Variants in ANXA4 observed in about 807,000 individuals in gnomAD.
The protein encoded by ANXA4 is 35-beta calcimedin.
ANXA4 carries 39 observed loss-of-function variants against 49.8 expected under a neutral mutation model. The ratio of observed to expected loss-of-function variants is 0.78; its 90% CI spans 0.61 to 1.02. The LOEUF is 1.02. Ranked by LOEUF, ANXA4 falls within the 50% of genes least tolerant of loss-of-function variation. ANXA4 has a pLI of 0.00. For synonymous variants in ANXA4, 134 were observed against 152.5 expected (o/e 0.88, Z 0.89); for missense variants, 360 against 410.1 (o/e 0.88, Z 1.05).
chr2:69,774,337 C>A (rs1250524623), intron 1 of ANXA4, among the ~76,000 whole-genome samples: 6 of 118,238 alleles, frequency 5.1e-5, no homozygotes, highest in South Asian at 6.2e-4. Flanking sequence ...GCCCCCCCCC[C>A]CCCTTTTTTT....
At chr2:69,660,676 T>C (rs1676679588) in intron 2 of ANXA4, among the ~76,000 whole-genome samples, 1 of 151,336 alleles carries the variant, frequency 6.6e-6, no homozygotes, top group Non-Finnish European at 1.5e-5. Context: ...ATCACCAAAA[T>C]TTAAAGCAAA....
chr2:69,649,603 C>CTTTT (rs766975640), intron 1 of ANXA4, among the ~76,000 whole-genome samples: 9 of 70,658 alleles, frequency 1.3e-4, no homozygotes, highest in Non-Finnish European at 2.5e-4. Context: ...GATTTTCTTT[C>CTTTT]TTTTTTTTTT....
intron 2 of ANXA4, among the ~76,000 whole-genome samples, chr2:69,710,177 G>C (rs923114587): frequency 2.0e-5 from 3 of 151,896 alleles, no homozygotes; most frequent in Non-Finnish European, 2.9e-5. Flanking sequence ...AGTAGAGACA[G>C]GGTTTCACCA....
Position 69,730,962 on chromosome 2 carries a change from A to G in ANXA4, n.864+10091A>G, listed in dbSNP as rs2105446346. Among the ~76,000 whole-genome samples the G allele has an allele frequency of 2.0e-5, 3 of 152,338 alleles. 1 individual carries two copies. The highest frequency in any genetic ancestry group is 3.9e-4 in the East Asian group (2 of 5,190). ...AAGGCAAAATTATGTCTCCACCAACAGTTCCCCAAACCTGCCTTTTAGGTC... is the reference window on the plus strand; with the variant it reads ...AAGGCAAAATTATGTCTCCACCAACGGTTCCCCAAACCTGCCTTTTAGGTC... On this transcript the variant is annotated intron_variant and non_coding_transcript_variant, in intron 3 of 3. Coordinates refer to the ANXA4 transcript ENST00000418066.
chr2:69,656,205 AC>A (rs1676436969), intron 2 of ANXA4, among the ~76,000 whole-genome samples: 1 of 122,216 alleles, frequency 8.2e-6, no homozygotes, highest in African/African-American at 3.4e-5. Context: ...ATATATATAT[AC>A]ACACACATAT....
intron 2 of ANXA4, among the ~76,000 whole-genome samples, chr2:69,704,748 G>A (rs1014580792): frequency 2.0e-5 from 3 of 152,142 alleles, no homozygotes; most frequent in Admixed American, 2.0e-4. Flanking sequence ...AAAGTCACAT[G>A]GTTGAGCTCA....
intron 2 of ANXA4, among the ~76,000 whole-genome samples, chr2:69,658,007 A>G (rs1471755616): frequency 6.6e-6 from 1 of 152,140 alleles, no homozygotes; most frequent in African/African-American, 2.4e-5. Flanking sequence ...CACTCCTGAA[A>G]TATACGCAAA....
chr2:69,821,586 C>G (rs762698007), intron 12 of ANXA4, among the ~76,000 whole-genome samples: 1 of 152,258 alleles, frequency 6.6e-6, no homozygotes, highest in Non-Finnish European at 1.5e-5. Flanking sequence ...CCTCCTGCCT[C>G]AGCCTCCTGA....
intron 3 of ANXA4, among the ~76,000 whole-genome samples, chr2:69,792,924 G>A (rs894740510): frequency 6.6e-6 from 1 of 151,250 alleles, no homozygotes; most frequent in Non-Finnish European, 1.5e-5. Context: ...CAATTGTGAA[G>A]CAGGCACGTT....
At chr2:69,820,895 G>A in intron 12 of ANXA4, 74 bp downstream of exon 12, 3 of 1,481,220 alleles carry the variant, frequency 2.0e-6, no homozygotes, top group Non-Finnish European at 2.7e-6. Flanking sequence ...TTTAGCACTT[G>A]TTGTCCCCCT....
chr2:69,823,653 C>T (rs1488963993), intron 12 of ANXA4, among the ~76,000 whole-genome samples: 1 of 152,078 alleles, frequency 6.6e-6, no homozygotes, highest in Non-Finnish European at 1.5e-5. Context: ...GGCAACAATT[C>T]ACAGCAAAGA....
At chr2:69,781,809 T>C (rs888079779) in intron 2 of ANXA4, among the ~76,000 whole-genome samples, 1 of 152,134 alleles carries the variant, frequency 6.6e-6, no homozygotes, top group African/African-American at 2.4e-5. Flanking sequence ...TTTAACATCC[T>C]GAGAATATAG....
intron 2 of ANXA4, among the ~76,000 whole-genome samples, chr2:69,659,079 A>G (rs2105320225): frequency 6.6e-6 from 1 of 152,378 alleles, no homozygotes; most frequent in Middle Eastern, 3.4e-3. Context: ...TAGTAAAGTC[A>G]GTCCTATTTG....
At chr2:69,696,988 T>C (rs1678180699) in intron 2 of ANXA4, among the ~76,000 whole-genome samples, 1 of 152,146 alleles carries the variant, frequency 6.6e-6, no homozygotes, top group Non-Finnish European at 1.5e-5. Flanking sequence ...TCCAGAATGG[T>C]AAATGAGCAC....
intron 3 of ANXA4, among the ~76,000 whole-genome samples, chr2:69,801,404 T>G (rs890183668): frequency 5.0e-5 from 4 of 80,662 alleles, no homozygotes; most frequent in Non-Finnish European, 7.6e-5. Flanking sequence ...CTGTTTTTTG[T>G]TTTTTTTTTC....
At position 69,818,684 on chromosome 2, in the gene ANXA4, G is replaced by A; in HGVS notation, c.714G>A (p.Leu238=). Residue 238 remains leucine, a synonymous_variant, in exon 10 of 13, where the codon CTG becomes CTA. Transcript: ENST00000394295. The stretch of plus-strand genomic sequence containing the variant: ...CATCTGGTAGCTTTGAAGATGCTCT[G>A]CTGGCTATAGGTAAGCTGGTAGGGG... ...SETSGSFEDA[L]LAIVKCMRNK... is the part of the protein sequence containing the mutation. 2 of 1,606,552 alleles carry A rather than the reference G, an allele frequency of 1.2e-6. No individual in the cohort carries two copies. Among genetic ancestry groups the A allele is most frequent in the Non-Finnish European group, 1.7e-6 (2 of 1,174,946 alleles).
chr2:69,654,577 TG>T (rs1210260201), intron 2 of ANXA4, among the ~76,000 whole-genome samples: 1 of 152,234 alleles, frequency 6.6e-6, no homozygotes, highest in Non-Finnish European at 1.5e-5. Flanking sequence ...GTTTATGTGA[TG>T]GATTATGTTT....
At chr2:69,802,014 T>C (rs1673220350) in intron 3 of ANXA4, among the ~76,000 whole-genome samples, 1 of 152,150 alleles carries the variant, frequency 6.6e-6, no homozygotes, top group Non-Finnish European at 1.5e-5. Flanking sequence ...TAAAGCACAA[T>C]ATTTCAAGAG....
chr2:69,792,844 T>G (rs1010913260), intron 3 of ANXA4, among the ~76,000 whole-genome samples: 8 of 151,772 alleles, frequency 5.3e-5, no homozygotes, highest in African/African-American at 1.9e-4. Context: ...ATGTGCTGGA[T>G]GCAGATAATG....
Sources: allele counts gnomAD v4.1 joint callset (sites outside exome capture counted in the v4.1 genomes callset), GRCh38; gene constraint gnomAD v4.1.1; transcripts MANE v1.5; gene names NCBI Gene and HGNC (gene_info 2026-07-23, HGNC 2026-07-21).